PPP1R1C: variants seen among roughly 807,000 people sequenced by gnomAD.
PPP1R1C encodes the protein protein phosphatase 1 regulatory subunit 1C.
In PPP1R1C, 15 loss-of-function variants were observed where a neutral mutation model predicts 17.4. The observed-to-expected ratio is 0.86, with a 90% CI of 0.58 to 1.33. PPP1R1C has a LOEUF of 1.33. Among genes scored for constraint, PPP1R1C ranks in the 40% most tolerant of loss-of-function variants. PPP1R1C has a pLI of 0.00. For synonymous variants in PPP1R1C, 35 were observed against 43.1 expected (o/e 0.81, Z 0.73); for missense variants, 143 against 130.0 (o/e 1.10, Z -0.48).
chr2:182,000,401 A>T (rs1163848416), intron 2 of PPP1R1C, among the ~76,000 whole-genome samples: 1 of 152,058 alleles, frequency 6.6e-6, no homozygotes, highest in Non-Finnish European at 1.5e-5. Context: ...TCTTCATAGG[A>T]TGCATGTTCC....
chr2:182,051,256 C>G, intron 2 of PPP1R1C, among the ~76,000 whole-genome samples: 1 of 152,122 alleles, frequency 6.6e-6, no homozygotes, highest in East Asian at 1.9e-4. Flanking sequence ...AGAAGAAAAA[C>G]TTAAATGCTG....
intron 2 of PPP1R1C, among the ~76,000 whole-genome samples, chr2:181,990,379 G>A (rs977490940): frequency 6.6e-6 from 1 of 151,842 alleles, no homozygotes; most frequent in South Asian, 2.1e-4. Flanking sequence ...TCCTGACCTC[G>A]CTATCCGCCC....
intron 2 of PPP1R1C, among the ~76,000 whole-genome samples, chr2:182,019,878 G>C (rs1574382293): frequency 6.6e-6 from 1 of 152,304 alleles, no homozygotes; most frequent in East Asian, 1.9e-4. Context: ...GCCAAGCTTA[G>C]CAACTAATTT....
At chr2:181,973,688 T>C (rs925648088) in intron 1 of PPP1R1C, among the ~76,000 whole-genome samples, 5 of 152,224 alleles carry the variant, frequency 3.3e-5, no homozygotes, top group Non-Finnish European at 7.3e-5. Flanking sequence ...CAGATCTTTC[T>C]GTAACGCTGT....
At chr2:181,971,684 T>G (rs1382678334) in intron 1 of PPP1R1C, among the ~76,000 whole-genome samples, 1 of 152,158 alleles carries the variant, frequency 6.6e-6, no homozygotes, top group Non-Finnish European at 1.5e-5. Context: ...TTCAGGTTTA[T>G]TTAGGGCCCC....
intron 2 of PPP1R1C, among the ~76,000 whole-genome samples, chr2:182,060,852 T>G (rs1336535485): frequency 3.9e-5 from 6 of 152,140 alleles, no homozygotes. Context: ...GGAAGGGGCA[T>G]GTGTAAGCAC....
intron 2 of PPP1R1C, among the ~76,000 whole-genome samples, chr2:182,016,047 C>T (rs1686254993): frequency 6.6e-6 from 1 of 152,138 alleles, no homozygotes; most frequent in African/African-American, 2.4e-5. Context: ...ACTTAGGACC[C>T]CAGAGTGCTT....
intron 4 of PPP1R1C, among the ~76,000 whole-genome samples, chr2:182,076,102 G>C (rs1688289048): frequency 6.9e-6 from 1 of 144,640 alleles, no homozygotes. Context: ...AGTTTACTCT[G>C]TGATTGTAGG....
At position 181,962,462 on chromosome 2, in the gene PPP1R1C, C is replaced by T. The variant is rs577937231; in HGVS notation, n.111+7828C>T. On this transcript the variant is annotated intron_variant and non_coding_transcript_variant, in intron 1 of 5. Transcript: ENST00000464264. This position sits in a 1 kb window ranked among gnomAD's most constrained non-coding sequence, Gnocchi z 6.0. ...CAGGTAGTTGGTGGAGAAGATGGAG[C>T]GAGTGGTGAAGCTCATGCTATCCAG... 1.4e-6 allele frequency: 1 copy of T among 700,334 alleles called. No homozygotes were observed. Among genetic ancestry groups the T allele is most frequent in the Middle Eastern group, 4.2e-4 (1 of 2,376 alleles). The allele number at this position is 700,334 out of a possible 1,614,324, so 43.4% of individuals were successfully genotyped here. A position where few individuals can be genotyped will look rare whatever the true frequency, so the allele number is the denominator to read the frequency against.
At chr2:182,031,107 C>CT (rs1288303845) in intron 2 of PPP1R1C, 1 of 155,060 alleles carries the variant, frequency 6.4e-6, no homozygotes, top group Non-Finnish European at 1.4e-5. Context: ...CCTGCGCCCA[C>CT]TGTCTGGCAC....
At chr2:182,007,759 A>T (rs1685963353) in intron 2 of PPP1R1C, among the ~76,000 whole-genome samples, 1 of 152,188 alleles carries the variant, frequency 6.6e-6, no homozygotes, top group African/African-American at 2.4e-5. Flanking sequence ...TATATGTAAA[A>T]ATGTATCAAA....
At chr2:182,008,096 T>TAA (rs10651800) in intron 2 of PPP1R1C, among the ~76,000 whole-genome samples, 64 of 150,694 alleles carry the variant, frequency 4.2e-4, no homozygotes, top group Non-Finnish European at 7.5e-4. Context: ...AATAAAAAAA[T>TAA]AAAATAAAAT....
downstream of PPP1R1C, among the ~76,000 whole-genome samples, chr2:182,120,124 T>C (rs1559101172): frequency 6.6e-6 from 1 of 152,208 alleles, no homozygotes; most frequent in Non-Finnish European, 1.5e-5. Context: ...TTTCTACATA[T>C]GGCTAGCCAG....
At chr2:181,977,838 C>T (rs755898306) in intron 2 of PPP1R1C, among the ~76,000 whole-genome samples, 30 of 152,146 alleles carry the variant, frequency 2.0e-4, no homozygotes, top group African/African-American at 4.3e-4. Context: ...TGGAATTACC[C>T]GGAGGCTTCT....
intron 4 of PPP1R1C, among the ~76,000 whole-genome samples, chr2:182,091,824 A>G (rs942707411): frequency 4.0e-5 from 6 of 151,890 alleles, no homozygotes; most frequent in African/African-American, 9.7e-5. Context: ...TCCACCCTCA[A>G]TCTCCTTTGG....
At chr2:182,089,207 T>C (rs531825149) in intron 4 of PPP1R1C, among the ~76,000 whole-genome samples, 1 of 152,340 alleles carries the variant, frequency 6.6e-6, no homozygotes, top group African/African-American at 2.4e-5. Context: ...GTTTGGATCA[T>C]CTGAACCCGA....
chr2:182,116,761 C>T (rs1689595289), intron 4 of PPP1R1C, among the ~76,000 whole-genome samples: 3 of 152,108 alleles, frequency 2.0e-5, no homozygotes, highest in Admixed American at 2.0e-4. Context: ...AAAGAAGATT[C>T]ACAATATTCT....
At chr2:182,055,051 A>G (rs1687640198) in intron 2 of PPP1R1C, among the ~76,000 whole-genome samples, 1 of 150,432 alleles carries the variant, frequency 6.6e-6, no homozygotes, top group South Asian at 2.1e-4. Flanking sequence ...TTAGTTTTCC[A>G]GTTGTCATTT....
intron 4 of PPP1R1C, among the ~76,000 whole-genome samples, chr2:182,091,702 TCCAATGACCCCATG>T (rs1688786591): frequency 6.6e-6 from 1 of 152,108 alleles, no homozygotes; most frequent in African/African-American, 2.4e-5. Context: ...CATCAGCACT[TCCAATGACCCCATG>T]CCCTGCTTGT....
Sources: allele counts gnomAD v4.1 joint callset (sites outside exome capture counted in the v4.1 genomes callset), GRCh38; gene constraint gnomAD v4.1.1; non-coding constraint Gnocchi (gnomAD v3.1); transcripts MANE v1.5; gene names NCBI Gene and HGNC (gene_info 2026-07-23, HGNC 2026-07-21).